Variants in CSMD1 observed in about 807,000 individuals in gnomAD.
The protein encoded by CSMD1 is CUB and sushi domain-containing protein 1.
In CSMD1, 213 loss-of-function variants were observed where a neutral mutation model predicts 417.5. That is an observed-to-expected ratio of 0.51 (90% CI 0.46 to 0.57). The LOEUF is 0.57. CSMD1 is among the 20% of genes least tolerant of loss of function. The pLI is 0.00. For synonymous variants in CSMD1, 2,862 were observed against 1,736.8 expected, an observed-to-expected ratio of 1.65 and a Z score of -16.11; for missense variants, 6,923 against 4,529.7, an observed-to-expected ratio of 1.53 and a Z score of -15.17.
At chr8:4,644,449 C>G (rs1175168793) in intron 1 of CSMD1, among the ~76,000 whole-genome samples, 1 of 152,142 alleles carries the variant, frequency 6.6e-6, no homozygotes, top group African/African-American at 2.4e-5. Context: ...TCTCTGTCAC[C>G]AGGCTAGAGT....
At chr8:4,270,475 T>C (rs2128850945) in intron 3 of CSMD1, among the ~76,000 whole-genome samples, 1 of 152,284 alleles carries the variant, frequency 6.6e-6, no homozygotes, top group Middle Eastern at 3.4e-3. Context: ...AGAGCTTTTC[T>C]TCTCCCCATG....
chr8:4,624,755 C>T (rs554709006), intron 2 of CSMD1, among the ~76,000 whole-genome samples: 1 of 152,260 alleles, frequency 6.6e-6, no homozygotes, highest in African/African-American at 2.4e-5. Context: ...ACACTCTCTG[C>T]CTGACTCCTG....
In CSMD1 at chr8:3,542,780, C is replaced by T. The variant is rs1383864061; in HGVS notation, c.1344+32165G>A. On this transcript the variant is annotated intron_variant, in intron 10 of 69. Coordinates refer to ENST00000635120, the MANE Select transcript of CSMD1 (RefSeq NM_033225.6). ...CAGCTTGGACTCTCTTCCAGTCTTT[C>T]CCCAGGACAGGATATCCTTCGATGC... 2.6e-5 allele frequency among the ~76,000 whole-genome samples: 4 copies of T among 152,176 alleles called. No homozygotes were observed. The South Asian group carries it at 6.2e-4, about 24-fold the overall frequency.
intron 5 of CSMD1, among the ~76,000 whole-genome samples, chr8:3,930,323 C>G (rs949768752): frequency 2.0e-5 from 3 of 150,612 alleles, no homozygotes; most frequent in Non-Finnish European, 3.0e-5. Flanking sequence ...TGCTAACACT[C>G]TTAAATATCT....
chr8:4,181,458 C>G (rs992490852), intron 3 of CSMD1, among the ~76,000 whole-genome samples: 2 of 151,904 alleles, frequency 1.3e-5, no homozygotes, highest in African/African-American at 4.8e-5. Context: ...TCTTGGGTCA[C>G]ACAGAAAATA....
At chr8:3,787,539 T>C (rs1480273530) in intron 5 of CSMD1, among the ~76,000 whole-genome samples, 1 of 152,180 alleles carries the variant, frequency 6.6e-6, no homozygotes, top group African/African-American at 2.4e-5. Flanking sequence ...AATATTCATA[T>C]CCATGAATAG....
chr8:4,055,728 T>G (rs1215682527), intron 3 of CSMD1, among the ~76,000 whole-genome samples: 1 of 152,136 alleles, frequency 6.6e-6, no homozygotes, highest in East Asian at 1.9e-4. Context: ...AATAAAAACT[T>G]GCTGTCATCC....
chr8:3,861,724 G>C (rs1379425809), intron 5 of CSMD1, among the ~76,000 whole-genome samples: 3 of 152,088 alleles, frequency 2.0e-5, no homozygotes, highest in East Asian at 1.9e-4. Flanking sequence ...TTTGTGTTTT[G>C]TCTGCTATAA....
intron 3 of CSMD1, among the ~76,000 whole-genome samples, chr8:4,307,970 G>T (rs1372840444): frequency 6.6e-6 from 1 of 152,158 alleles, no homozygotes; most frequent in Non-Finnish European, 1.5e-5. Flanking sequence ...CACACCTGAA[G>T]AAATTACAGA....
chr8:3,795,143 CTATCATGTACAGCT>C (rs1223268448), intron 5 of CSMD1, among the ~76,000 whole-genome samples: 8 of 58,272 alleles, frequency 1.4e-4, no homozygotes, highest in African/African-American at 4.8e-4. Context: ...CTATAGATAT[CTATCATGTACAGCT>C]ATAGATACCT....
chr8:4,992,063 C>T (rs1811498367), intron 1 of CSMD1, among the ~76,000 whole-genome samples: 1 of 152,180 alleles, frequency 6.6e-6, no homozygotes, highest in African/African-American at 2.4e-5. Flanking sequence ...CACTTCTCGG[C>T]TTCTACAGCC....
chr8:4,531,921 C>A (rs1792544592), intron 2 of CSMD1, among the ~76,000 whole-genome samples: 1 of 150,536 alleles, frequency 6.6e-6, no homozygotes. Flanking sequence ...AAAAGAAATC[C>A]TGCAAGCCCA....
chr8:2,964,351 C>T (rs1187815651), intron 59 of CSMD1, among the ~76,000 whole-genome samples: 1 of 152,214 alleles, frequency 6.6e-6, no homozygotes, highest in African/African-American at 2.4e-5. Flanking sequence ...ACAAATCCTT[C>T]CTGAGACCCC....
At chr8:3,717,100 C>G (rs1229130442) in intron 6 of CSMD1, among the ~76,000 whole-genome samples, 1 of 152,200 alleles carries the variant, frequency 6.6e-6, no homozygotes, top group Admixed American at 6.5e-5. Flanking sequence ...CATATCTCAA[C>G]AGTCTGCTTC....
Position 3,769,282 on chromosome 8 carries a change from A to C in CSMD1, c.819-15240T>G, listed in dbSNP as rs1798449789. ...TCCATATATATCAGTAACAAACTAT[A>C]GCTAAATAGTGGTCTTTAGTTAAAA... On this transcript the variant is annotated intron_variant, in intron 5 of 69. Transcript: ENST00000635120. 9.2e-5 allele frequency among the ~76,000 whole-genome samples: 14 copies of C among 152,300 alleles called. No homozygotes were observed. The South Asian group carries it at 2.9e-3, about 32-fold the overall frequency.
At chr8:3,879,847 G>C (rs973827576) in intron 5 of CSMD1, among the ~76,000 whole-genome samples, 1 of 152,058 alleles carries the variant, frequency 6.6e-6, no homozygotes, top group South Asian at 2.1e-4. Flanking sequence ...GTGTGTGTGT[G>C]TGTGTGTTGC....
At chr8:4,472,821 G>T (rs1800610734) in intron 2 of CSMD1, among the ~76,000 whole-genome samples, 2 of 151,680 alleles carry the variant, frequency 1.3e-5, no homozygotes, top group Non-Finnish European at 2.9e-5. Context: ...AAAAAATTTG[G>T]TATATATACC....
At chr8:4,319,602 T>C (rs1799148187) in intron 3 of CSMD1, among the ~76,000 whole-genome samples, 1 of 152,052 alleles carries the variant, frequency 6.6e-6, no homozygotes, top group Admixed American at 6.6e-5. Flanking sequence ...GAGTGGTGAT[T>C]CCTGAGAGAA....
intron 2 of CSMD1, among the ~76,000 whole-genome samples, chr8:4,535,948 T>G (rs903309509): frequency 3.9e-5 from 6 of 152,122 alleles, no homozygotes; most frequent in Non-Finnish European, 8.8e-5. Flanking sequence ...AACTTAGATC[T>G]TAACAATGTT....
Sources: gnomAD v4.1 joint callset for allele counts (sites outside exome capture counted in the v4.1 genomes callset) on GRCh38, gnomAD v4.1.1 for gene constraint, MANE v1.5 for transcripts, NCBI Gene and HGNC (gene_info 2026-07-23, HGNC 2026-07-21) for gene names.